Variants in RBFOX2 observed in about 807,000 individuals in gnomAD.
RBFOX2 encodes the protein RNA binding protein fox-1 homolog 2.
Under a neutral mutation model 49.1 loss-of-function variants are expected in RBFOX2, and 10 were observed. The observed-to-expected ratio is 0.20, with a 90% CI of 0.13 to 0.35. The LOEUF (loss-of-function observed/expected upper bound fraction) is 0.35. Ranked by LOEUF, RBFOX2 falls within the 10% of genes least tolerant of loss-of-function variation. RBFOX2 has a pLI of 1.00. For synonymous variants in RBFOX2, 183 were observed against 187.4 expected (o/e 0.98, Z 0.19); for missense variants, 323 against 486.9 (o/e 0.66, Z 3.17).
chr22:36,022,608 C>T (rs566842716), intron 1 of RBFOX2, among the ~76,000 whole-genome samples: 36 of 152,306 alleles, frequency 2.4e-4, no homozygotes, highest in Admixed American at 5.9e-4. Flanking sequence ...ACAATATTTA[C>T]CACTCTGGTA....
intron 1 of RBFOX2, among the ~76,000 whole-genome samples, chr22:36,018,639 A>G (rs747528435): frequency 2.0e-5 from 3 of 152,170 alleles, no homozygotes; most frequent in Admixed American, 6.5e-5. Flanking sequence ...TTTGAGACAG[A>G]GTCTCACTCT....
chr22:36,027,349 G>C (rs1308642273), intron 1 of RBFOX2, among the ~76,000 whole-genome samples: 1 of 152,098 alleles, frequency 6.6e-6, no homozygotes, highest in Non-Finnish European at 1.5e-5. Flanking sequence ...TGTCATAGCA[G>C]TATTTTCTGG....
At chr22:35,954,359 G>A (rs1441857150) in intron 1 of RBFOX2, among the ~76,000 whole-genome samples, 1 of 152,170 alleles carries the variant, frequency 6.6e-6, no homozygotes, top group Non-Finnish European at 1.5e-5. Context: ...CAACTGTCAA[G>A]CAGTATGGAT....
At chr22:35,912,188 T>A (rs2049909341) in intron 1 of RBFOX2, among the ~76,000 whole-genome samples, 1 of 152,204 alleles carries the variant, frequency 6.6e-6, no homozygotes, top group African/African-American at 2.4e-5. Context: ...CGTATACTTC[T>A]CTTATATGAA....
In RBFOX2 at chr22:35,785,831, A is replaced by G. The variant is rs550978165; in HGVS notation, c.253-4085T>C. On this transcript the variant is annotated intron_variant, in intron 2 of 11. Coordinates refer to ENST00000405409, the Ensembl canonical transcript of RBFOX2. ...GTCTTGGCACAATGCAGACTAAGTA[A>G]CACAAATCCCATTTAAAGATGAAAC... 5.3e-5 allele frequency among the ~76,000 whole-genome samples: 8 copies of G among 152,362 alleles called. No individual in the cohort carries two copies. In the South Asian group the frequency reaches 1.7e-3, roughly 32 times the overall value.
At chr22:35,802,625 G>A (rs1419600013) in intron 2 of RBFOX2, among the ~76,000 whole-genome samples, 2 of 152,124 alleles carry the variant, frequency 1.3e-5, no homozygotes, top group Non-Finnish European at 2.9e-5. Context: ...TTGAAGGAGT[G>A]GTAGAAAATC....
At chr22:35,746,255 A>T (rs781612882) in intron 10 of RBFOX2, among the ~76,000 whole-genome samples, 6 of 152,250 alleles carry the variant, frequency 3.9e-5, no homozygotes, top group Non-Finnish European at 7.3e-5. Flanking sequence ...AAGTCAAAGA[A>T]GAGATGAGAA....
chr22:35,975,942 A>G (rs2057125942), intron 1 of RBFOX2, among the ~76,000 whole-genome samples: 1 of 152,198 alleles, frequency 6.6e-6, no homozygotes, highest in Non-Finnish European at 1.5e-5. Context: ...AGAATAACAA[A>G]AACATATGCC....
intron 2 of RBFOX2, among the ~76,000 whole-genome samples, chr22:35,800,752 C>T (rs183268542): frequency 9.2e-5 from 14 of 151,934 alleles, no homozygotes; most frequent in African/African-American, 3.1e-4. Flanking sequence ...GTGTCAGGCA[C>T]TGTGACAAGT....
chr22:35,879,285 G>A (rs569054781), intron 1 of RBFOX2, among the ~76,000 whole-genome samples: 1 of 152,090 alleles, frequency 6.6e-6, no homozygotes, highest in African/African-American at 2.4e-5. Flanking sequence ...GAAATAATTC[G>A]TACTGGATAT....
intron 1 of RBFOX2, among the ~76,000 whole-genome samples, chr22:35,827,216 G>C (rs141269707): frequency 0.016 from 2,490 of 152,244 alleles, 31 homozygotes; most frequent in Non-Finnish European, 0.024. Flanking sequence ...TTGCAGCAGT[G>C]GTCATCATTT....
At chr22:35,975,641 G>T (rs149257694) in intron 1 of RBFOX2, among the ~76,000 whole-genome samples, 1 of 151,450 alleles carries the variant, frequency 6.6e-6, no homozygotes, top group Non-Finnish European at 1.5e-5. Flanking sequence ...AAAGCTAATT[G>T]TAACAAGCAA....
intron 1 of RBFOX2, among the ~76,000 whole-genome samples, chr22:36,007,642 C>T (rs1218194699): frequency 1.3e-5 from 2 of 152,062 alleles, no homozygotes; most frequent in Non-Finnish European, 2.9e-5. Flanking sequence ...AAAATTAAGT[C>T]TTTACCTATA....
upstream of RBFOX2, chr22:35,939,294 C>T (rs1227284439): frequency 1.7e-5 from 8 of 462,760 alleles, no homozygotes; most frequent in African/African-American, 1.6e-4. Context: ...TAACCAAAAA[C>T]TTGTTGGTTT....
intron 2 of RBFOX2, among the ~76,000 whole-genome samples, chr22:35,798,227 G>A (rs6000007): frequency 0.012 from 1,823 of 152,114 alleles, 31 homozygotes; most frequent in African/African-American, 0.042. Context: ...CACCTGCCTC[G>A]GCCTCCCAAA....
exon 1 of RBFOX2, among the ~76,000 whole-genome samples, chr22:36,028,698 C>G (rs2059545754): frequency 6.6e-6 from 1 of 150,890 alleles, no homozygotes; most frequent in South Asian, 2.1e-4. Flanking sequence ...CCCCCGCACG[C>G]ACACGCGAAA....
intron 1 of RBFOX2, among the ~76,000 whole-genome samples, chr22:35,983,441 T>A (rs1018940047): frequency 1.1e-4 from 16 of 152,316 alleles, no homozygotes; most frequent in African/African-American, 4.8e-5. Flanking sequence ...GCCATTTTTT[T>A]ACCTGGATTT....
intron 5 of RBFOX2, among the ~76,000 whole-genome samples, chr22:35,767,385 G>A (rs1352240964): frequency 2.6e-5 from 4 of 152,182 alleles, no homozygotes; most frequent in South Asian, 4.2e-4. Context: ...GGGCACCATC[G>A]CCAGCATTGT....
chr22:35,820,329 T>C (rs1448829824), intron 1 of RBFOX2, among the ~76,000 whole-genome samples: 1 of 152,206 alleles, frequency 6.6e-6, no homozygotes, highest in African/African-American at 2.4e-5. Context: ...TAATCTAATG[T>C]GTGTCGAATG....
Sources: gnomAD v4.1 joint callset for allele counts (sites outside exome capture counted in the v4.1 genomes callset) on GRCh38, gnomAD v4.1.1 for gene constraint, MANE v1.5 for transcripts, NCBI Gene and HGNC (gene_info 2026-07-23, HGNC 2026-07-21) for gene names.